Variants in KLF12 observed in about 807,000 individuals in gnomAD.
KLF12 encodes the protein Krueppel-like factor 12.
Under a neutral mutation model 37.8 loss-of-function variants are expected in KLF12, and 9 were observed. That is an observed-to-expected ratio of 0.24 (90% CI 0.14 to 0.42). The LOEUF (loss-of-function observed/expected upper bound fraction) is 0.42, where lower values mean the gene tolerates loss of function less well. Ranked by LOEUF, KLF12 falls within the 10% of genes least tolerant of loss-of-function variation. The pLI is 1.00. For missense variants in KLF12, 411 were observed against 516.0 expected, an observed-to-expected ratio of 0.80 and a Z score of 1.97; for synonymous variants, 208 against 202.1, an observed-to-expected ratio of 1.03 and a Z score of -0.25.
At chr13:74,067,193 C>T (rs1197714729) in intron 1 of KLF12, among the ~76,000 whole-genome samples, 1 of 151,972 alleles carries the variant, frequency 6.6e-6, no homozygotes, top group Non-Finnish European at 1.5e-5. Flanking sequence ...TGTTGCTTAA[C>T]AAGATACAAC....
chr13:73,823,336 A>G (rs1313489858), intron 4 of KLF12, among the ~76,000 whole-genome samples: 1 of 152,144 alleles, frequency 6.6e-6, no homozygotes, highest in East Asian at 1.9e-4. Context: ...CAACTATGCT[A>G]TATACAGCTA....
Position 73,840,850 on chromosome 13 carries a change from C to A in KLF12, c.670+4977G>T, listed in dbSNP as rs116366581. On this transcript the variant is annotated intron_variant, in intron 4 of 7. Coordinates refer to ENST00000377669, the MANE Select transcript of KLF12 (RefSeq NM_007249.5). ...CTTCCCTCCCCCTACTTAAGCCTCT[C>A]TAGTTCCACCAGCCTCCTAGCAGCT... is the stretch of plus-strand genomic sequence containing the variant. Among the ~76,000 whole-genome samples the A allele has an allele frequency of 8.0e-3, 1,212 of 152,192 alleles. 24 individuals carry two copies. The highest frequency in any genetic ancestry group is 0.027 in the African/African-American group (1,107 of 41,522).
chr13:74,187,499 G>A, the KLF12 span, among the ~76,000 whole-genome samples: 1 of 152,012 alleles, frequency 6.6e-6, no homozygotes, highest in African/African-American at 2.4e-5. Flanking sequence ...TAAAGTTCTT[G>A]TACAATTCTC....
chr13:73,721,975 C>T (rs183186485), intron 6 of KLF12, among the ~76,000 whole-genome samples: 1 of 152,216 alleles, frequency 6.6e-6, no homozygotes, highest in East Asian at 1.9e-4. Context: ...AAATTAGTCC[C>T]TTCCCTGACA....
At chr13:73,854,742 T>G (rs143900066) in intron 3 of KLF12, among the ~76,000 whole-genome samples, 10 of 152,326 alleles carry the variant, frequency 6.6e-5, no homozygotes, top group Non-Finnish European at 1.2e-4. Flanking sequence ...CTTTAAATTA[T>G]CTCCACATCA....
intron 4 of KLF12, among the ~76,000 whole-genome samples, chr13:73,838,389 G>A (rs1418237859): frequency 2.6e-5 from 4 of 152,092 alleles, no homozygotes; most frequent in Non-Finnish European, 5.9e-5. Flanking sequence ...ATTCTTCACC[G>A]TGTGTCTGTG....
intron 2 of KLF12, among the ~76,000 whole-genome samples, chr13:73,946,606 AT>A (rs1319551963): frequency 6.6e-6 from 1 of 152,168 alleles, no homozygotes; most frequent in African/African-American, 2.4e-5. Context: ...AACATTCTCG[AT>A]TTTTTTAAGA....
At chr13:74,214,969 T>G in the KLF12 span, among the ~76,000 whole-genome samples, 3 of 152,024 alleles carry the variant, frequency 2.0e-5, no homozygotes, top group South Asian at 6.2e-4. Flanking sequence ...TAATTTTGTA[T>G]TTTTAGTAGA....
chr13:74,177,042 T>C, the KLF12 span, among the ~76,000 whole-genome samples: 5 of 152,248 alleles, frequency 3.3e-5, no homozygotes. Flanking sequence ...CTAAAGAATC[T>C]TCCTTGATCT....
At chr13:73,732,228 C>A (rs1877117015) in intron 6 of KLF12, among the ~76,000 whole-genome samples, 1 of 151,830 alleles carries the variant, frequency 6.6e-6, no homozygotes, top group African/African-American at 2.4e-5. Flanking sequence ...GGATTACAGG[C>A]ACCCACCACC....
chr13:73,797,117 C>T (rs978403687), intron 5 of KLF12, among the ~76,000 whole-genome samples: 1 of 152,064 alleles, frequency 6.6e-6, no homozygotes, highest in Non-Finnish European at 1.5e-5. Context: ...TTGAACTGCA[C>T]CTTTAAAATA....
chr13:74,153,272 G>A, the KLF12 span, among the ~76,000 whole-genome samples: 3 of 152,106 alleles, frequency 2.0e-5, no homozygotes, highest in Non-Finnish European at 2.9e-5. Flanking sequence ...TTTCAAATCC[G>A]TCAGCTCATG....
intron 1 of KLF12, among the ~76,000 whole-genome samples, chr13:74,084,657 T>C (rs1035091760): frequency 6.6e-6 from 1 of 152,234 alleles, no homozygotes; most frequent in Admixed American, 6.5e-5. Flanking sequence ...ATAACAGTGT[T>C]CCGTTTGAGC....
intron 5 of KLF12, among the ~76,000 whole-genome samples, chr13:73,803,064 C>T (rs1240179613): frequency 6.6e-6 from 1 of 152,138 alleles, no homozygotes. Context: ...ATTTGCTCTG[C>T]ATGGTTTTTT....
the KLF12 span, among the ~76,000 whole-genome samples, chr13:74,198,862 T>C: frequency 7.9e-5 from 12 of 152,098 alleles, no homozygotes. Flanking sequence ...CAAGACTGTA[T>C]GTATTTGACT....
chr13:73,742,027 GAAA>G (rs56943032), intron 6 of KLF12, among the ~76,000 whole-genome samples: 1 of 151,624 alleles, frequency 6.6e-6, no homozygotes, highest in Non-Finnish European at 1.5e-5. Context: ...ACAAGAGGCT[GAAA>G]AAGCCTACGG....
intron 2 of KLF12, among the ~76,000 whole-genome samples, chr13:73,964,606 TA>T (rs71115627): frequency 0.43 from 58,864 of 137,126 alleles, 13,614 homozygotes; most frequent in East Asian, 0.59. Flanking sequence ...CGTCTCTACT[TA>T]AAAAAAAAAA....
At chr13:74,043,429 T>C (rs1448513299) in intron 1 of KLF12, among the ~76,000 whole-genome samples, 3 of 152,232 alleles carry the variant, frequency 2.0e-5, no homozygotes, top group Non-Finnish European at 4.4e-5. Context: ...TACAAACATG[T>C]AACAGGCCCC....
chr13:73,986,294 T>G (rs1352122243), intron 2 of KLF12, among the ~76,000 whole-genome samples: 1 of 152,152 alleles, frequency 6.6e-6, no homozygotes, highest in East Asian at 1.9e-4. Context: ...AATGGGAAAT[T>G]TTAATATTAT....
Sources: gnomAD v4.1 joint callset for allele counts (sites outside exome capture counted in the v4.1 genomes callset) on GRCh38, gnomAD v4.1.1 for gene constraint, MANE v1.5 for transcripts, NCBI Gene and HGNC (gene_info 2026-07-23, HGNC 2026-07-21) for gene names.